PDXK: variants seen among roughly 807,000 people sequenced by gnomAD.
PDXK encodes epididymis secretory sperm binding protein Li 1a.
In PDXK, 15 loss-of-function variants were observed where a neutral mutation model predicts 43.2. The ratio of observed to expected loss-of-function variants is 0.35; its 90% CI spans 0.23 to 0.53. PDXK has a LOEUF of 0.53. Ranked by LOEUF, PDXK falls within the 20% of genes least tolerant of loss-of-function variation. PDXK has a pLI of 0.92. For missense variants in PDXK, 343 were observed against 417.0 expected, an observed-to-expected ratio of 0.82 and a Z score of 1.54; for synonymous variants, 172 against 165.4, an observed-to-expected ratio of 1.04 and a Z score of -0.31.
intron 1 of PDXK, among the ~76,000 whole-genome samples, chr21:43,733,145 C>G (rs1188649511): frequency 2.0e-5 from 3 of 152,112 alleles, no homozygotes; most frequent in Admixed American, 2.0e-4. Context: ...AAAGAAAAGC[C>G]TTGGCAAATA....
chr21:43,743,902 CCT>C (rs2083591287), intron 4 of PDXK, 95 bp downstream of exon 4: 4 of 766,182 alleles, frequency 5.2e-6, no homozygotes, highest in Non-Finnish European at 9.0e-6. Flanking sequence ...CCTCCTTCCT[CCT>C]CTGCACGCCT....
At chr21:43,750,942 G>A (rs2876908) in intron 7 of PDXK, among the ~76,000 whole-genome samples, 4 of 141,930 alleles carry the variant, frequency 2.8e-5, no homozygotes, top group African/African-American at 8.2e-5. Context: ...ATGTGTGCAC[G>A]TGTTTGCACA....
chr21:43,746,868 C>A (rs575884787), intron 5 of PDXK, among the ~76,000 whole-genome samples: 1 of 152,318 alleles, frequency 6.6e-6, no homozygotes, highest in Admixed American at 6.5e-5. Flanking sequence ...TGCAGTGGCT[C>A]ACGCCTGTAA....
chr21:43,741,664 T>C lies in PDXK; in HGVS notation c.143-3T>C, dbSNP rs761258612. The C allele has an allele frequency of 2.9e-5, 46 of 1,611,424 alleles. No homozygotes were observed. The highest frequency in any genetic ancestry group is 3.7e-5 in the Non-Finnish European group (44 of 1,178,074). On this transcript the variant is annotated splice_polypyrimidine_tract_variant and splice_region_variant and intron_variant, in intron 2 of 10. Coordinates refer to ENST00000291565, the MANE Select transcript of PDXK (RefSeq NM_003681.5). The stretch of plus-strand genomic sequence containing the variant: ...GAGCCCCCATGGCTTCCTCTGCCTC[T>C]AGGCTATGCCCACTGGAAGGGCCAA...
chr21:43,720,888 C>A (rs567322587), intron 1 of PDXK, among the ~76,000 whole-genome samples: 2 of 152,334 alleles, frequency 1.3e-5, no homozygotes, highest in African/African-American at 4.8e-5. Flanking sequence ...CCTCCTACTT[C>A]ATTGGGCAAA....
rs183083723 is a variant in PDXK, at chr21:43,761,819, G to A, written c.*5756G>A. The A allele has an allele frequency of 4.2e-3, 645 of 153,086 alleles. 5 individuals are homozygous for A. The highest frequency in any genetic ancestry group is 6.9e-3 in the Non-Finnish European group (467 of 68,106). 9.5% of individuals were successfully genotyped at this position (153,086 alleles called of 1,614,324 possible). A position where few individuals can be genotyped will look rare whatever the true frequency, so the allele number is the denominator to read the frequency against. ...AGCTCGAGCCGTCATAGGTCCCCAT[G>A]AGGTGTCTGAAGCCCCTTCTTGGTG... is the stretch of plus-strand genomic sequence containing the variant. On this transcript the variant is annotated 3_prime_UTR_variant, in exon 11 of 11. Transcript: ENST00000291565.
rs1260621514 is a variant in PDXK, at chr21:43,761,831, G to A, written c.*5768G>A. ...CATAGGTCCCCATGAGGTGTCTGAA[G>A]CCCCTTCTTGGTGATGGGAGGCAGA... On this transcript the variant is annotated 3_prime_UTR_variant, in exon 11 of 11. Transcript: ENST00000291565. 6.5e-6 allele frequency: 1 copy of A among 153,208 alleles called. No homozygotes were observed. Among genetic ancestry groups the A allele is most frequent in the Non-Finnish European group, 1.5e-5 (1 of 68,126 alleles). 9.5% of individuals were successfully genotyped at this position (153,208 alleles called of 1,614,324 possible).
chr21:43,739,873 C>G (rs2083463790), intron 2 of PDXK, among the ~76,000 whole-genome samples: 1 of 151,932 alleles, frequency 6.6e-6, no homozygotes, highest in African/African-American at 2.4e-5. Context: ...GGGACCATTG[C>G]TCACCTCCCT....
chr21:43,729,239 A>G (rs1287874187), intron 1 of PDXK, among the ~76,000 whole-genome samples: 1 of 152,252 alleles, frequency 6.6e-6, no homozygotes, highest in Non-Finnish European at 1.5e-5. Context: ...GTCCTGTGGC[A>G]GCAGTGGGTT....
chr21:43,753,348 G>A (rs1023791055), intron 8 of PDXK, among the ~76,000 whole-genome samples: 2 of 152,162 alleles, frequency 1.3e-5, no homozygotes, highest in East Asian at 3.9e-4. Context: ...GTTTCACAGC[G>A]ACCCCCGAGG....
At chr21:43,743,163 C>T (rs1321202001) in intron 3 of PDXK, among the ~76,000 whole-genome samples, 1 of 127,632 alleles carries the variant, frequency 7.8e-6, no homozygotes, top group African/African-American at 3.1e-5. Context: ...CTCCCTCCCC[C>T]CAGCTCCTGA....
intron 2 of PDXK, among the ~76,000 whole-genome samples, chr21:43,739,996 A>G (rs954378879): frequency 6.6e-6 from 1 of 151,756 alleles, no homozygotes; most frequent in Non-Finnish European, 1.5e-5. Context: ...CCCGCAGTGG[A>G]TACCACCTGC....
intron 1 of PDXK, among the ~76,000 whole-genome samples, chr21:43,733,414 G>A (rs377686896): frequency 3.9e-5 from 6 of 152,184 alleles, no homozygotes; most frequent in Non-Finnish European, 7.3e-5. Context: ...GTGCACGGGA[G>A]AGGGTGGGGA....
intron 1 of PDXK, among the ~76,000 whole-genome samples, chr21:43,724,563 C>G (rs886500165): frequency 2.6e-5 from 4 of 152,010 alleles, no homozygotes; most frequent in Non-Finnish European, 4.4e-5. Flanking sequence ...TCCCCAAGCC[C>G]AGGTGCGGTG....
At chr21:43,745,747 A>C (rs947504322) in intron 4 of PDXK, 2 of 306,154 alleles carry the variant, frequency 6.5e-6, no homozygotes, top group African/African-American at 4.2e-5. Context: ...CTGTGATCTG[A>C]GCACTTTGGG....
rs2083388879 is a variant in PDXK at position 43,735,647 on chromosome 21, C to T, written c.142+1524C>T. ...TTCCTGGGAGCCCCCACTCCAGCCT[C>T]CTCCAGATGCCATGGGGGGCCTGCT... On this transcript the variant is annotated intron_variant, in intron 2 of 10. Transcript: ENST00000291565. The surrounding 1 kb of genome is among the most constrained non-coding windows in gnomAD (Gnocchi z 5.3). Among the ~76,000 whole-genome samples the T allele has an allele frequency of 6.6e-6, 1 of 152,146 alleles. No individual in the cohort carries two copies. Among genetic ancestry groups the T allele is most frequent in the African/African-American group, 2.4e-5 (1 of 41,420 alleles).
In PDXK at chr21:43,732,210, T is replaced by G; in HGVS notation, c.88-1859T>G. 7.0e-7 allele frequency: 1 copy of G among 1,437,954 alleles called. No individual in the cohort carries two copies. Among genetic ancestry groups the G allele is most frequent in the South Asian group, 1.5e-5 (1 of 66,810 alleles). The allele number at this position is 1,437,954 out of a possible 1,614,324, so 89.1% of individuals were successfully genotyped here. A position where few individuals can be genotyped will look rare whatever the true frequency, so the allele number is the denominator to read the frequency against. ...AGCCACTGCTGTACAGAGATGCCAA[T>G]TCCAGAGGCATGGTCCGGCACAGAG... On this transcript the variant is annotated intron_variant, in intron 1 of 10. Transcript: ENST00000291565. The surrounding 1 kb of genome is among the most constrained non-coding windows in gnomAD (Gnocchi z 4.1).
At chr21:43,750,963 TGTGTG>T (rs969259526) in intron 7 of PDXK, among the ~76,000 whole-genome samples, 1 of 2,092 alleles carries the variant, frequency 4.8e-4, no homozygotes, top group Non-Finnish European at 8.0e-4. Context: ...TGTGTGTGCA[TGTGTG>T]TGTGTGTGTG....
At chr21:43,753,790 C>T (rs1259896503) in intron 9 of PDXK, 71 bp downstream of exon 9, 1 of 1,492,142 alleles carries the variant, frequency 6.7e-7, no homozygotes. Context: ...ATATGAGAGT[C>T]CTGGTGGGGG....
Sources: allele counts gnomAD v4.1 joint callset (sites outside exome capture counted in the v4.1 genomes callset), GRCh38; gene constraint gnomAD v4.1.1; non-coding constraint Gnocchi (gnomAD v3.1); transcripts MANE v1.5; gene names NCBI Gene and HGNC (gene_info 2026-07-23, HGNC 2026-07-21).